JAZF1: variants seen among roughly 807,000 people sequenced by gnomAD.
JAZF1 encodes juxtaposed with another zinc finger protein 1.
Under a neutral mutation model 26.4 loss-of-function variants are expected in JAZF1, and 8 were observed. The observed-to-expected ratio is 0.30, with a 90% CI of 0.18 to 0.55. JAZF1 has a LOEUF of 0.55. Ranked by LOEUF, JAZF1 falls within the 20% of genes least tolerant of loss-of-function variation. JAZF1 has a pLI of 0.94. For missense variants in JAZF1, 199 were observed against 322.0 expected (o/e 0.62, Z 2.92); for synonymous variants, 126 against 122.3 (o/e 1.03, Z -0.20).
intron 2 of JAZF1, among the ~76,000 whole-genome samples, chr7:27,968,872 G>A (rs1225303790): frequency 1.3e-5 from 2 of 152,052 alleles, no homozygotes; most frequent in Admixed American, 1.3e-4. Context: ...ACAAGTCTAA[G>A]CAACTTCCCA....
chr7:27,996,098 T>C (rs1006485823), intron 1 of JAZF1, among the ~76,000 whole-genome samples: 1 of 152,222 alleles, frequency 6.6e-6, no homozygotes, highest in African/African-American at 2.4e-5. Context: ...CCTTTTGCAG[T>C]GCTCTTGTCA....
chr7:27,979,719 C>T (rs563721502), intron 2 of JAZF1, among the ~76,000 whole-genome samples: 11 of 152,056 alleles, frequency 7.2e-5, no homozygotes, highest in Non-Finnish European at 1.3e-4. Flanking sequence ...TGCAGCTCCC[C>T]GAATCCCCTG....
intron 1 of JAZF1, among the ~76,000 whole-genome samples, chr7:28,002,674 T>C (rs943047412): frequency 1.2e-4 from 18 of 152,234 alleles, no homozygotes; most frequent in Admixed American, 5.2e-4. Flanking sequence ...TAATGGTACA[T>C]AGAAAATCTA....
intron 1 of JAZF1, among the ~76,000 whole-genome samples, chr7:28,145,979 A>G (rs1030789059): frequency 3.9e-5 from 6 of 152,212 alleles, no homozygotes; most frequent in Admixed American, 1.3e-4. Context: ...ATTGCTGAGT[A>G]GTATTCCATT....
intron 1 of JAZF1, among the ~76,000 whole-genome samples, chr7:28,121,350 C>G (rs1202713850): frequency 6.6e-6 from 1 of 152,034 alleles, no homozygotes; most frequent in Non-Finnish European, 1.5e-5. Flanking sequence ...AATGGGACTA[C>G]AATTAAAAGG....
At chr7:27,929,298 C>T (rs558403910) in intron 2 of JAZF1, among the ~76,000 whole-genome samples, 20 of 152,264 alleles carry the variant, frequency 1.3e-4, no homozygotes, top group African/African-American at 3.4e-4. Context: ...CACAGCATAT[C>T]GGGTGCTGTG....
chr7:28,160,055 G>A (rs1217393897), intron 1 of JAZF1, among the ~76,000 whole-genome samples: 1 of 152,108 alleles, frequency 6.6e-6, no homozygotes, highest in Non-Finnish European at 1.5e-5. Flanking sequence ...CTGCCCTCCA[G>A]GTGGTGAAAA....
intron 1 of JAZF1, among the ~76,000 whole-genome samples, chr7:28,062,892 T>G (rs1012016372): frequency 3.3e-5 from 5 of 152,364 alleles, no homozygotes; most frequent in African/African-American, 1.2e-4. Context: ...CATTTCTGAA[T>G]TCATATAGTC....
In JAZF1 at chr7:28,036,414, C is replaced by T. The variant is rs1329970315; in HGVS notation, c.116-44433G>A. Among the ~76,000 whole-genome samples, 9 of 152,138 alleles carry T rather than the reference C, an allele frequency of 5.9e-5. No individual in the cohort carries two copies. The East Asian group carries it at 1.5e-3, about 26-fold the overall frequency. On this transcript the variant is annotated intron_variant, in intron 1 of 4. Transcript: ENST00000283928. ...CATATTATTTGAAAATATTAATAAC[C>T]TGAAGTTGTTTTCCTTGTTTATTCT...
intron 2 of JAZF1, among the ~76,000 whole-genome samples, chr7:27,976,362 A>G (rs1041129527): frequency 5.2e-5 from 7 of 134,882 alleles, no homozygotes; most frequent in African/African-American, 1.5e-4. Context: ...AAAAAAAAAA[A>G]AAAAAAGAAT....
chr7:28,097,513 T>G (rs1784404255), intron 1 of JAZF1, among the ~76,000 whole-genome samples: 2 of 152,214 alleles, frequency 1.3e-5, no homozygotes, highest in Admixed American at 1.3e-4. Context: ...TTTCCTAAAA[T>G]AGATGAAGTC....
intron 2 of JAZF1, among the ~76,000 whole-genome samples, chr7:27,964,985 T>C (rs1377824753): frequency 6.6e-6 from 1 of 152,178 alleles, no homozygotes; most frequent in Non-Finnish European, 1.5e-5. Context: ...TTTCTAACAT[T>C]ATCAGCATGA....
chr7:27,984,844 T>C (rs181188492), intron 2 of JAZF1, among the ~76,000 whole-genome samples: 1 of 152,330 alleles, frequency 6.6e-6, no homozygotes, highest in African/African-American at 2.4e-5. Flanking sequence ...AATCTGCTCC[T>C]AAATGACTAC....
intron 1 of JAZF1, among the ~76,000 whole-genome samples, chr7:28,053,298 CTT>C (rs746096354): frequency 1.3e-5 from 2 of 152,168 alleles, no homozygotes; most frequent in African/African-American, 2.4e-5. Flanking sequence ...GCAAATATCT[CTT>C]TGAGACCCTG....
chr7:28,072,441 T>C (rs1029498011), intron 1 of JAZF1, among the ~76,000 whole-genome samples: 13 of 152,252 alleles, frequency 8.5e-5, no homozygotes, highest in African/African-American at 2.4e-4. Context: ...TATTTACTTA[T>C]GGATATGGCT....
intron 4 of JAZF1, among the ~76,000 whole-genome samples, chr7:27,836,967 T>A (rs922392709): frequency 2.7e-5 from 4 of 149,670 alleles, no homozygotes; most frequent in African/African-American, 1.0e-4. Context: ...ACACACACTC[T>A]CTCTCTCAAT....
At chr7:28,011,059 C>T (rs1583507718) in intron 1 of JAZF1, among the ~76,000 whole-genome samples, 4 of 152,124 alleles carry the variant, frequency 2.6e-5, no homozygotes, top group East Asian at 3.9e-4. Context: ...TTTCTGCTTA[C>T]GATGCTAATG....
chr7:28,049,978 T>C (rs1783583578), intron 1 of JAZF1, among the ~76,000 whole-genome samples: 1 of 152,028 alleles, frequency 6.6e-6, no homozygotes, highest in South Asian at 2.1e-4. Context: ...TCCTCTCCCC[T>C]CCCTAAGGCT....
chr7:27,869,054 T>C lies in JAZF1; in HGVS notation c.385+26166A>G, dbSNP rs145486407. Among the ~76,000 whole-genome samples the C allele has an allele frequency of 3.9e-5, 6 of 152,368 alleles. No homozygotes were observed. In the East Asian group the frequency reaches 9.6e-4, roughly 24 times the overall value. ...TTATGTATTGCTACACTGGAAATCC[T>C]GCATTCACAAGTTGCAAACTTCTCT... On this transcript the variant is annotated intron_variant, in intron 3 of 4. Transcript: ENST00000283928.
Sources: gnomAD v4.1 joint callset for allele counts (sites outside exome capture counted in the v4.1 genomes callset) on GRCh38, gnomAD v4.1.1 for gene constraint, MANE v1.5 for transcripts, NCBI Gene and HGNC (gene_info 2026-07-23, HGNC 2026-07-21) for gene names.